Variants in ARIH1 observed in about 807,000 individuals in gnomAD.
ARIH1 encodes the protein E3 ubiquitin-protein ligase ARIH1.
In ARIH1, 8 loss-of-function variants were observed where a neutral mutation model predicts 85.0. That is an observed-to-expected ratio of 0.09 (90% CI 0.06 to 0.17). The LOEUF is 0.17. Among genes scored for constraint, ARIH1 ranks in the 10% least tolerant of loss-of-function variants. The pLI, the probability that ARIH1 is intolerant of heterozygous loss-of-function variation, is 1.00. For synonymous variants in ARIH1, 238 were observed against 253.6 expected (o/e 0.94, Z 0.59); for missense variants, 311 against 718.1 (o/e 0.43, Z 6.48).
chr15:72,566,194 A>G (rs1431611099), intron 7 of ARIH1, among the ~76,000 whole-genome samples: 1 of 152,228 alleles, frequency 6.6e-6, no homozygotes, highest in Non-Finnish European at 1.5e-5. Context: ...AGTAACCTAC[A>G]AAGTCAGCCT....
chr15:72,530,975 AT>A (rs1390576083), intron 2 of ARIH1, among the ~76,000 whole-genome samples: 1 of 152,206 alleles, frequency 6.6e-6, no homozygotes, highest in African/African-American at 2.4e-5. Context: ...ATGACTGAGA[AT>A]TTTGCAGATT....
At chr15:72,547,021 A>G (rs1235796153) in intron 3 of ARIH1, among the ~76,000 whole-genome samples, 2 of 148,952 alleles carry the variant, frequency 1.3e-5, no homozygotes, top group Non-Finnish European at 3.0e-5. Flanking sequence ...TCCGCCTCCC[A>G]GGTTCATGCC....
intron 2 of ARIH1, among the ~76,000 whole-genome samples, chr15:72,543,313 C>T (rs1394900382): frequency 2.0e-5 from 3 of 151,910 alleles, no homozygotes; most frequent in Admixed American, 6.6e-5. Flanking sequence ...GCCGAGATGG[C>T]GCCACTGCAC....
rs1233694502 is a variant in ARIH1 at position 72,601,828 on chromosome 15, C to T, written c.*18536C>T. On this transcript the variant is annotated 3_prime_UTR_variant, in exon 14 of 14. Transcript: ENST00000379887. ...AAAAGTCTTCTCTTCCCTGTCCCCC[C>T]GCTACCCAGTTCTCCTCTTTAGAAC... 1 of 152,162 alleles carries T rather than the reference C, an allele frequency of 6.6e-6. No individual in the cohort carries two copies. Among genetic ancestry groups the T allele is most frequent in the Non-Finnish European group, 1.5e-5 (1 of 68,034 alleles). 9.4% of individuals were successfully genotyped at this position (152,162 alleles called of 1,614,324 possible). A position where few individuals can be genotyped will look rare whatever the true frequency, so the allele number is the denominator to read the frequency against.
At chr15:72,553,015 TC>T (rs1258368113) in intron 3 of ARIH1, among the ~76,000 whole-genome samples, 2 of 152,134 alleles carry the variant, frequency 1.3e-5, no homozygotes, top group Admixed American at 1.3e-4. Context: ...CTGTAAGTGA[TC>T]CGCCCACCTC....
intron 1 of ARIH1, among the ~76,000 whole-genome samples, chr15:72,498,961 A>ATTTTTTTTTTTTTTTTTTTTTTTTTT (rs535261674): frequency 1.1e-5 from 1 of 88,450 alleles, no homozygotes; most frequent in Non-Finnish European, 2.2e-5. Context: ...CTTTTCATAA[A>ATTTTTTTTTTTTTTTTTTTTTTTTTT]TTTTTTTTTT....
chr15:72,569,636 A>G (rs2064234961), intron 9 of ARIH1, among the ~76,000 whole-genome samples: 1 of 152,244 alleles, frequency 6.6e-6, no homozygotes, highest in Admixed American at 6.5e-5. Flanking sequence ...GTTGATGCAT[A>G]TAAAACACTG....
intron 2 of ARIH1, among the ~76,000 whole-genome samples, chr15:72,544,399 C>T (rs1482544193): frequency 6.6e-6 from 1 of 152,084 alleles, no homozygotes; most frequent in African/African-American, 2.4e-5. Flanking sequence ...TATTACTCTT[C>T]ATAGGTACCC....
intron 2 of ARIH1, among the ~76,000 whole-genome samples, chr15:72,519,475 GTTTTTTTTTT>G (rs150165121): frequency 3.2e-5 from 2 of 62,544 alleles, no homozygotes; most frequent in Non-Finnish European, 5.6e-5. Context: ...TGTTTTTTTT[GTTTTTTTTTT>G]TTTTTTTTTT....
At chr15:72,519,478 T>G (rs938269965) in intron 2 of ARIH1, among the ~76,000 whole-genome samples, 5 of 25,150 alleles carry the variant, frequency 2.0e-4, no homozygotes, top group East Asian at 2.2e-3. Context: ...TTTTTTTGTT[T>G]TTTTTTTTTT....
intron 11 of ARIH1, among the ~76,000 whole-genome samples, chr15:72,576,935 A>C (rs952660705): frequency 6.6e-6 from 1 of 152,060 alleles, no homozygotes; most frequent in African/African-American, 2.4e-5. Context: ...TAACATAGTC[A>C]ATTAACACAT....
At chr15:72,518,223 T>C in intron 2 of ARIH1, 89 bp downstream of exon 2, 1 of 1,086,550 alleles carries the variant, frequency 9.2e-7, no homozygotes, top group Non-Finnish European at 1.4e-6. Flanking sequence ...AGGGAATTGA[T>C]GAATATACCA....
rs752084483 is a variant in ARIH1 at position 72,474,727 on chromosome 15, G to A, written c.88G>A (p.Glu30Lys). Reference protein sequence around the residue: ...EDSGAEEEEDEDDDEPDDDTL... With the variant: ...EDSGAEEEEDKDDDEPDDDTL... ...CAGCGGCGCCGAGGAGGAGGAGGAC[G>A]AAGACGACGACGAGCCGGACGATGA... The change falls in exon 1 of 14, where the codon GAA becomes AAA. Residue 30 changes from glutamate (E) to lysine (K), a missense_variant. Coordinates refer to ENST00000379887, the MANE Select transcript of ARIH1 (RefSeq NM_005744.5). 3.2e-6 allele frequency: 5 copies of A among 1,563,568 alleles called. No individual in the cohort carries two copies. The African/African-American group carries it at 4.2e-5, about 13-fold the overall frequency.
At chr15:72,524,772 C>G (rs1471681967) in intron 2 of ARIH1, among the ~76,000 whole-genome samples, 1 of 152,114 alleles carries the variant, frequency 6.6e-6, no homozygotes, top group Non-Finnish European at 1.5e-5. Context: ...TTAGCCAGAT[C>G]AGAATAACCC....
In ARIH1 at chr15:72,511,340, T is replaced by C. The variant is rs138981101; in HGVS notation, c.376-6727T>C. 1.5e-3 allele frequency among the ~76,000 whole-genome samples: 223 copies of C among 152,308 alleles called. 2 individuals are homozygous for C. The highest frequency in any genetic ancestry group is 2.7e-3 in the Non-Finnish European group (183 of 68,030). ...TTTTTGAGATGGAGTTTTGCTCTTG[T>C]TGTCCAGGCTGGAGTGCAGTGGCGC... On this transcript the variant is annotated intron_variant, in intron 1 of 13. Transcript: ENST00000379887.
At chr15:72,555,414 A>G in intron 4 of ARIH1, 51 bp downstream of exon 4, 1 of 1,334,708 alleles carries the variant, frequency 7.5e-7, no homozygotes, top group Non-Finnish European at 1.1e-6. Context: ...CTATAGTGTT[A>G]AGACCCTTGC....
intron 1 of ARIH1, among the ~76,000 whole-genome samples, chr15:72,496,365 A>G (rs944728399): frequency 6.6e-6 from 1 of 152,230 alleles, no homozygotes; most frequent in Non-Finnish European, 1.5e-5. Flanking sequence ...CTGAAATACA[A>G]ACATACTCTA....
intron 11 of ARIH1, among the ~76,000 whole-genome samples, chr15:72,574,966 G>T (rs2064264007): frequency 6.9e-6 from 1 of 145,286 alleles, no homozygotes; most frequent in Admixed American, 7.6e-5. Flanking sequence ...ATGCATGTTG[G>T]TGTGTGCCTA....
At chr15:72,487,935 A>G (rs759786359) in intron 1 of ARIH1, among the ~76,000 whole-genome samples, 14 of 152,088 alleles carry the variant, frequency 9.2e-5, no homozygotes, top group Non-Finnish European at 1.8e-4. Context: ...TATCACCCCC[A>G]GTTGCACTGT....
Sources: gnomAD v4.1 joint callset for allele counts (sites outside exome capture counted in the v4.1 genomes callset) on GRCh38, gnomAD v4.1.1 for gene constraint, MANE v1.5 for transcripts, NCBI Gene and HGNC (gene_info 2026-07-23, HGNC 2026-07-21) for gene names.